RYR2: variants seen among roughly 807,000 people sequenced by gnomAD.
RYR2 encodes cardiac muscle ryanodine receptor-calcium release channel.
Under a neutral mutation model 601.1 loss-of-function variants are expected in RYR2, and 227 were observed. That is an observed-to-expected ratio of 0.38 (90% CI 0.34 to 0.42). The LOEUF (loss-of-function observed/expected upper bound fraction) is 0.42, where lower values mean the gene tolerates loss of function less well. RYR2 is among the 10% of genes least tolerant of loss of function. The pLI is 1.00. For missense variants in RYR2, 4,646 were observed against 6,156.5 expected (o/e 0.75, Z 8.21); for synonymous variants, 2,223 against 2,175.1 (o/e 1.02, Z -0.61).
Position 237,446,500 on chromosome 1 carries a change from T to G in RYR2, c.1292+978T>G, listed in dbSNP as rs181491715. ...GCAAACCTTTTTACCAGTTTATTGG[T>G]TTGGGAAAGAATTTGAAAGGATTTT... On this transcript the variant is annotated intron_variant, in intron 14 of 104. Transcript: ENST00000366574. 5.4e-4 allele frequency among the ~76,000 whole-genome samples: 82 copies of G among 152,264 alleles called. 1 individual carries two copies. The highest frequency in any genetic ancestry group is 1.9e-3 in the African/African-American group (79 of 41,580).
chr1:237,732,180 G>A (rs1024617213), intron 78 of RYR2, 31 bp downstream of exon 78: 1 of 1,369,790 alleles, frequency 7.3e-7, no homozygotes, highest in South Asian at 1.2e-5. Context: ...ATGAGACATA[G>A]GAGGAGCAAA....
chr1:237,366,674 T>TCACACA lies in RYR2; in HGVS notation c.309+2332_309+2337dup, dbSNP rs56679247. Among the ~76,000 whole-genome samples, 867 of 144,910 alleles carry TCACACA rather than the reference T, an allele frequency of 6.0e-3. 8 individuals carry two copies. Among genetic ancestry groups the TCACACA allele is most frequent in the African/African-American group, 0.019 (763 of 39,300 alleles). Reference sequence around the variant, plus strand: ...TTAATGTGTGTGTAAACCTCTTTAGTCACACACACACACACACACACACAC... The same window carrying TCACACA: ...TTAATGTGTGTGTAAACCTCTTTAGTCACACACACACACACACACACACACACACAC... On this transcript the variant is annotated intron_variant, in intron 5 of 104. Transcript: ENST00000366574.
intron 1 of RYR2, among the ~76,000 whole-genome samples, chr1:237,259,487 C>G (rs192634088): frequency 6.9e-6 from 1 of 144,468 alleles, no homozygotes; most frequent in East Asian, 2.0e-4. Context: ...GCCTGGGCAA[C>G]AGAGTGAGAC....
intron 73 of RYR2, among the ~76,000 whole-genome samples, chr1:237,722,832 T>A (rs1689861885): frequency 6.6e-6 from 1 of 152,184 alleles, no homozygotes; most frequent in Non-Finnish European, 1.5e-5. Context: ...TCAGACAAAT[T>A]AGCATATCTA....
chr1:237,540,830 G>A (rs775094232), intron 25 of RYR2, among the ~76,000 whole-genome samples: 13 of 151,822 alleles, frequency 8.6e-5, no homozygotes, highest in Non-Finnish European at 1.8e-4. Flanking sequence ...TACTACATGT[G>A]ACAGGAAACA....
chr1:237,142,626 G>A (rs764754222), intron 1 of RYR2, among the ~76,000 whole-genome samples: 100 of 152,186 alleles, frequency 6.6e-4, no homozygotes, highest in Non-Finnish European at 1.3e-3. Flanking sequence ...TGGTGGGGCA[G>A]TTGGGAAGAG....
At chr1:237,608,796 G>GTTTTTTT (rs33945891) in intron 35 of RYR2, among the ~76,000 whole-genome samples, 3 of 119,222 alleles carry the variant, frequency 2.5e-5, no homozygotes, top group African/African-American at 6.0e-5. Context: ...AGACTGACCT[G>GTTTTTTT]TTTTTTTTTT....
At chr1:237,090,244 A>G (rs952798901) in intron 1 of RYR2, among the ~76,000 whole-genome samples, 1 of 152,230 alleles carries the variant, frequency 6.6e-6, no homozygotes, top group Non-Finnish European at 1.5e-5. Context: ...GCCAAACCAT[A>G]TCAGGGCCCT....
At chr1:237,772,679 A>G (rs553694132) in intron 86 of RYR2, among the ~76,000 whole-genome samples, 1 of 152,146 alleles carries the variant, frequency 6.6e-6, no homozygotes, top group African/African-American at 2.4e-5. Context: ...TTTATTTATA[A>G]GCTAAACCAG....
In RYR2 at chr1:237,771,972, T is replaced by C. The variant is rs545586663; in HGVS notation, c.11558-40T>C. 8.3e-6 allele frequency: 10 copies of C among 1,199,440 alleles called. No homozygotes were observed. In the African/African-American group the frequency reaches 1.2e-4, roughly 15 times the overall value. 74.3% of individuals were successfully genotyped at this position (1,199,440 alleles called of 1,614,324 possible). On this transcript the variant is annotated intron_variant, in intron 85 of 104. Transcript: ENST00000366574. ...GTTCTTAGAATGACTCAACTTGAAC[T>C]TCTGAGCAAGCATTAATAACATTTT...
At chr1:237,162,681 T>C (rs976845595) in intron 1 of RYR2, among the ~76,000 whole-genome samples, 16 of 152,112 alleles carry the variant, frequency 1.1e-4, no homozygotes, top group African/African-American at 3.9e-4. Flanking sequence ...GGCATATTGA[T>C]GATTTTGAGC....
chr1:237,776,669 C>A (rs1442379203), intron 87 of RYR2, among the ~76,000 whole-genome samples: 1 of 151,500 alleles, frequency 6.6e-6, no homozygotes, highest in East Asian at 1.9e-4. Context: ...CTTTCCCTTT[C>A]CCCTCCTGAT....
intron 2 of RYR2, among the ~76,000 whole-genome samples, chr1:237,308,737 T>A (rs1250646414): frequency 1.3e-5 from 2 of 152,180 alleles, no homozygotes; most frequent in Non-Finnish European, 2.9e-5. Context: ...GCAGCAAGAT[T>A]TACTGCAAGG....
chr1:237,739,009 G>A (rs1691382866), intron 79 of RYR2, among the ~76,000 whole-genome samples: 1 of 152,142 alleles, frequency 6.6e-6, no homozygotes, highest in Non-Finnish European at 1.5e-5. Context: ...AACCAAATGG[G>A]TATGAAATGG....
chr1:237,426,545 C>T (rs879574507), intron 12 of RYR2, among the ~76,000 whole-genome samples: 1 of 152,050 alleles, frequency 6.6e-6, no homozygotes, highest in African/African-American at 2.4e-5. Context: ...AAAGAAGAAC[C>T]AATTATTTGA....
chr1:237,317,435 T>C (rs1695218569), intron 2 of RYR2, among the ~76,000 whole-genome samples: 1 of 152,230 alleles, frequency 6.6e-6, no homozygotes, highest in Admixed American at 6.5e-5. Flanking sequence ...TAATTTATTT[T>C]CTTACTGATG....
At chr1:237,664,777 A>G (rs1256120596) in intron 56 of RYR2, among the ~76,000 whole-genome samples, 1 of 152,174 alleles carries the variant, frequency 6.6e-6, no homozygotes, top group Non-Finnish European at 1.5e-5. Flanking sequence ...TGTGTCCCCA[A>G]ATCAATAGCT....
At position 237,569,264 on chromosome 1, in the gene RYR2, C is replaced by A; in HGVS notation, c.3543C>A (p.Ile1181=). Reference sequence around the variant, plus strand: ...TGATGTTCACACTGAATGGTGAAATCCTTCTTGATGATTCAGGCTCAGAAC... The same window carrying A: ...TGATGTTCACACTGAATGGTGAAATACTTCTTGATGATTCAGGCTCAGAAC... ...HTMMFTLNGE[I]LLDDSGSELA... The change falls in exon 29 of 105, where the codon ATC becomes ATA. Residue 1181 remains isoleucine, a synonymous_variant. Coordinates refer to ENST00000366574, the MANE Select transcript of RYR2 (RefSeq NM_001035.3). 1 of 1,613,868 alleles carries A rather than the reference C, an allele frequency of 6.2e-7. No homozygotes were observed. The highest frequency in any genetic ancestry group is 8.5e-7 in the Non-Finnish European group (1 of 1,179,860).
At chr1:237,414,815 T>G (rs1439644169) in intron 10 of RYR2, among the ~76,000 whole-genome samples, 2 of 152,196 alleles carry the variant, frequency 1.3e-5, no homozygotes, top group African/African-American at 2.4e-5. Context: ...TCTGTCATTC[T>G]TAGCAACATG....
Sources: gnomAD v4.1 joint callset for allele counts (sites outside exome capture counted in the v4.1 genomes callset) on GRCh38, gnomAD v4.1.1 for gene constraint, MANE v1.5 for transcripts, NCBI Gene and HGNC (gene_info 2026-07-23, HGNC 2026-07-21) for gene names.